The following XDH variants were observed in gnomAD, a reference collection of about 807,000 sequenced individuals.
XDH encodes the protein xanthine dehydrogenase/oxidase.
A neutral mutation model predicts 156.1 loss-of-function variants in XDH; 138 were observed. The ratio of observed to expected loss-of-function variants is 0.88; its 90% confidence interval spans 0.77 to 1.02. XDH has a LOEUF of 1.02. Ranked by LOEUF, XDH falls within the 50% of genes least tolerant of loss-of-function variation. The pLI is 0.00. For synonymous variants in XDH, 669 were observed against 625.7 expected, an observed-to-expected ratio of 1.07 and a Z score of -1.03; for missense variants, 1,849 against 1,684.9, an observed-to-expected ratio of 1.10 and a Z score of -1.71.
chr2:31,349,792 GT>G lies in XDH; in HGVS notation c.2862del (p.His955ThrfsTer19). 6.2e-7 allele frequency: 1 copy of G among 1,614,150 alleles called. No individual in the cohort carries two copies. The highest frequency in any genetic ancestry group is 8.5e-7 in the Non-Finnish European group (1 of 1,180,032). ...AAACCCTCAAGCTTCTGGTTGAAGTGTGTCAGGTCCCCTTCTTTGTACAGGT... is the reference window on the plus strand; with the variant it reads ...AAACCCTCAAGCTTCTGGTTGAAGTGGTCAGGTCCCCTTCTTTGTACAGGT... ...RKNLYKEGDLTHFNQKLEGFT... is the reference protein window; with the variant it reads ...RKNLYKEGDLXHFNQKLEGFT... On this transcript the variant is annotated frameshift_variant, in exon 26 of 36. Transcript: ENST00000379416. LOFTEE classifies it high-confidence loss of function.
At chr2:31,350,567 G>C (rs1685445041) in intron 24 of XDH, among the ~76,000 whole-genome samples, 1 of 151,756 alleles carries the variant, frequency 6.6e-6, no homozygotes, top group South Asian at 2.1e-4. Context: ...GTAGAGATGG[G>C]GTTTCACCAT....
intron 30 of XDH, among the ~76,000 whole-genome samples, chr2:31,346,548 C>G (rs1295144640): frequency 2.0e-5 from 3 of 152,158 alleles, no homozygotes; most frequent in Non-Finnish European, 4.4e-5. Context: ...GGATCAAAAA[C>G]TTCCCTCAAA....
chr2:31,384,150 GTGTGTT>G (rs1175266588), intron 9 of XDH: 2 of 389,622 alleles, frequency 5.1e-6, no homozygotes, highest in African/African-American at 4.2e-5. Context: ...GTGTGTGTGT[GTGTGTT>G]TGTGTACATT....
At chr2:31,413,445 A>G (rs1687394324) in intron 1 of XDH, among the ~76,000 whole-genome samples, 1 of 152,156 alleles carries the variant, frequency 6.6e-6, no homozygotes, top group Admixed American at 6.5e-5. Context: ...GGCTGTCCCC[A>G]TTCCCCAGCA....
At chr2:31,349,993 T>G in intron 25 of XDH, 39 bp downstream of exon 25, 2 of 1,612,792 alleles carry the variant, frequency 1.2e-6, no homozygotes, top group East Asian at 2.2e-5. Context: ...CGAAGTAGTC[T>G]AAAGCACTCT....
At position 31,337,691 on chromosome 2, in the gene XDH, C is replaced by T. The variant is rs758727949; in HGVS notation, c.3901G>A (p.Ala1301Thr). 1.1e-5 allele frequency: 18 copies of T among 1,614,080 alleles called. No individual in the cohort carries two copies. Among genetic ancestry groups the T allele is most frequent in the Non-Finnish European group, 1.4e-5 (17 of 1,180,042 alleles). Residue 1301 changes from alanine (A) to threonine (T), a missense_variant, in exon 35 of 36, where the codon GCC becomes ACC. Physicochemically the swap from Ala to Thr is moderately conservative, Grantham distance 58. Coordinates refer to ENST00000379416, the MANE Select transcript of XDH (RefSeq NM_000379.4). ...VKELFRLDSPATPEKIRNACV... is the reference protein window; with the variant it reads ...VKELFRLDSPTTPEKIRNACV... ...GCATTGCGGATCTTCTCCGGGGTGG[C>T]AGGGCTGTCTAGCCGGAAGAGTTCC...
In XDH at chr2:31,335,657, G is replaced by C. The variant is rs1572504077; in HGVS notation, c.*301C>G. The C allele has an allele frequency of 4.1e-6, 2 of 490,170 alleles. No individual in the cohort carries two copies. Among genetic ancestry groups the C allele is most frequent in the South Asian group, 2.1e-5 (1 of 48,126 alleles). The allele number at this position is 490,170 out of a possible 1,614,324, so 30.4% of individuals were successfully genotyped here. On this transcript the variant is annotated 3_prime_UTR_variant, in exon 36 of 36. Transcript: ENST00000379416. ...GGTTATACAGGCTGTCCAGTAAGTGGGGAATAGCACAAACCCTTCCCGACC... is the reference window on the plus strand; with the variant it reads ...GGTTATACAGGCTGTCCAGTAAGTGCGGAATAGCACAAACCCTTCCCGACC...
At position 31,395,055 on chromosome 2, in the gene XDH, T is replaced by A. The variant is rs1023726843; in HGVS notation, c.495+2613A>T. On this transcript the variant is annotated intron_variant, in intron 6 of 35. Coordinates refer to ENST00000379416, the MANE Select transcript of XDH (RefSeq NM_000379.4). The stretch of plus-strand genomic sequence containing the variant: ...CTCTGGTTCTGCTGTTTGTTCAGTC[T>A]CTTCAAATTGTGTTTGCCTTTGACT... 2.0e-5 allele frequency among the ~76,000 whole-genome samples: 3 copies of A among 152,366 alleles called. No individual in the cohort carries two copies. The East Asian group carries it at 5.8e-4, about 29-fold the overall frequency.
At position 31,403,106 on chromosome 2, in the gene XDH, C is replaced by A; in HGVS notation, c.139G>T (p.Gly47Cys). Residue 47 changes from glycine (G) to cysteine (C), a missense_variant, in exon 3 of 36, where the codon GGC (glycine) becomes TGC (cysteine). Transcript: ENST00000379416. Reference protein sequence around the residue: ...SGTKLGCGEGGCGACTVMLSK... With the variant: ...SGTKLGCGEGCCGACTVMLSK... ...AGCATCACTGTGCAAGCCCCGCAGCCCCCCTCTCCACAGCCGAGCTTGGTT... is the reference window on the plus strand; with the variant it reads ...AGCATCACTGTGCAAGCCCCGCAGCACCCCTCTCCACAGCCGAGCTTGGTT... 1 of 1,614,180 alleles carries A rather than the reference C, an allele frequency of 6.2e-7. No individual in the cohort carries two copies. Among genetic ancestry groups the A allele is most frequent in the Admixed American group, 1.7e-5 (1 of 60,024 alleles).
chr2:31,349,727 A>G lies in XDH; in HGVS notation c.2928T>C (p.Ser976=). 6.2e-7 allele frequency: 1 copy of G among 1,614,172 alleles called. No individual in the cohort carries two copies. The highest frequency in any genetic ancestry group is 1.1e-5 in the South Asian group (1 of 91,086). The change falls in exon 26 of 36, where the codon TCT becomes TCC. Residue 976 remains serine, a synonymous_variant. Transcript: ENST00000379416. ...CCTCACTCTTCCGAGCATGATACTG[A>G]GAGCTTGCTAGGCATTCTTCCCAGC... ...PRCWEECLAS[S]QYHARKSEVD...
rs182829297 is a variant in XDH, at chr2:31,363,911, C to T, written c.2631+247G>A. Among the ~76,000 whole-genome samples, 97 of 152,236 alleles carry T rather than the reference C, an allele frequency of 6.4e-4. 1 individual carries two copies. Among genetic ancestry groups the T allele is most frequent in the Admixed American group, 4.3e-3 (66 of 15,292 alleles). The stretch of plus-strand genomic sequence containing the variant: ...CAATGCCACCACACTATACATAAAA[C>T]ATTGTAACTAACTTGCTAGCTTGGC... On this transcript the variant is annotated intron_variant, in intron 24 of 35. Transcript: ENST00000379416.
At chr2:31,358,435 C>A (rs1393672914) in intron 24 of XDH, among the ~76,000 whole-genome samples, 1 of 152,106 alleles carries the variant, frequency 6.6e-6, no homozygotes, top group African/African-American at 2.4e-5. Flanking sequence ...TGACACCAAA[C>A]CCTGACCAAG....
rs200810102 is a variant in XDH, at chr2:31,397,681, C to T, written c.482G>A (p.Arg161Gln). 6.1e-5 allele frequency: 99 copies of T among 1,614,038 alleles called. No homozygotes were observed. The highest frequency in any genetic ancestry group is 2.5e-4 in the Admixed American group (15 of 60,006). Residue 161 changes from arginine to glutamine, a missense_variant, in exon 6 of 36, where the codon CGG becomes CAG. Arg to Gln is a conservative substitution (Grantham distance 43). Coordinates refer to ENST00000379416, the MANE Select transcript of XDH (RefSeq NM_000379.4). Reference protein sequence around the residue: ...TGYRPILQGFRTFARDGGCCG... With the variant: ...TGYRPILQGFQTFARDGGCCG... ...GTCCCCACTTACCCTGGCAAAGGTC[C>T]GGAAGCCCTGGAGGATGGGTCTGTA...
chr2:31,350,486 C>T (rs1254466878), intron 24 of XDH, among the ~76,000 whole-genome samples: 1 of 146,816 alleles, frequency 6.8e-6, no homozygotes, highest in East Asian at 2.0e-4. Context: ...AAGCAATTCT[C>T]CTGCCTCAGC....
chr2:31,349,218 T>C (rs1326133376), intron 26 of XDH, among the ~76,000 whole-genome samples: 1 of 152,186 alleles, frequency 6.6e-6, no homozygotes. Context: ...GGAGGCACTG[T>C]GCCTCACTGA....
At position 31,350,159 on chromosome 2, in the gene XDH, C is replaced by G. The variant is rs753554344; in HGVS notation, c.2696G>C (p.Gly899Ala). 3 of 1,614,160 alleles carry G rather than the reference C, an allele frequency of 1.9e-6. No individual in the cohort carries two copies. The highest frequency in any genetic ancestry group is 2.5e-6 in the Non-Finnish European group (3 of 1,180,028). The change falls in exon 25 of 36, where the codon GGG (glycine) becomes GCG (alanine). Residue 899 changes from glycine to alanine, a missense_variant. Physicochemically the swap from Gly to Ala is moderately conservative, Grantham distance 60. Coordinates refer to ENST00000379416, the MANE Select transcript of XDH (RefSeq NM_000379.4). ...CYKIPNIRGT[G>A]RLCKTNLPSN... ...GGGAAGGTTGGTTTTGCACAGCCGC[C>G]CAGTGCCCCGGATGTTGGGGATTTT...
chr2:31,378,112 AAGGAAGGAAGGAAGG>A (rs1558696666), intron 13 of XDH, among the ~76,000 whole-genome samples: 324 of 31,572 alleles, frequency 0.01, no homozygotes, highest in Non-Finnish European at 0.015. Flanking sequence ...GAAAGAAAGG[AAGGAAGGAAGGAAGG>A]AAGGAAGGAA....
intron 1 of XDH, among the ~76,000 whole-genome samples, chr2:31,410,299 T>C (rs575410858): frequency 6.6e-6 from 1 of 152,302 alleles, no homozygotes; most frequent in Middle Eastern, 3.4e-3. Context: ...AGGTGGACGG[T>C]GATGATGGTT....
In XDH at chr2:31,414,696, G is replaced by A. The variant is rs2148017612; in HGVS notation, c.-30C>T. 6.2e-7 allele frequency: 1 copy of A among 1,613,994 alleles called. No individual in the cohort carries two copies. Among genetic ancestry groups the A allele is most frequent in the Non-Finnish European group, 8.5e-7 (1 of 1,179,938 alleles). ...ACAGGTTGGGGTCCCCGAACTCCAG[G>A]TACCTCACTCCTAAGAGACACTGGC... On this transcript the variant is annotated 5_prime_UTR_variant, in exon 1 of 36. Coordinates refer to ENST00000379416, the MANE Select transcript of XDH (RefSeq NM_000379.4).
Sources: gnomAD v4.1 joint callset for allele counts (sites outside exome capture counted in the v4.1 genomes callset) on GRCh38, gnomAD v4.1.1 for gene constraint, MANE v1.5 for transcripts, NCBI Gene and HGNC (gene_info 2026-07-23, HGNC 2026-07-21) for gene names.